Variants in RAB8A observed in about 807,000 individuals in gnomAD.
RAB8A encodes ras-related protein Rab-8A.
Under a neutral mutation model 29.2 loss-of-function variants are expected in RAB8A, and 5 were observed. The ratio of observed to expected loss-of-function variants is 0.17; its 90% CI spans 0.09 to 0.36. The LOEUF (loss-of-function observed/expected upper bound fraction) is 0.36. RAB8A is among the 10% of genes least tolerant of loss of function. The pLI is 1.00. For synonymous variants in RAB8A, 108 were observed against 99.9 expected, an observed-to-expected ratio of 1.08 and a Z score of -0.49; for missense variants, 171 against 272.2, an observed-to-expected ratio of 0.63 and a Z score of 2.62.
At chr19:16,130,070 C>T (rs1227724749) in intron 7 of RAB8A, among the ~76,000 whole-genome samples, 2 of 152,138 alleles carry the variant, frequency 1.3e-5, no homozygotes, top group African/African-American at 4.8e-5. Context: ...GCTCTGCAAC[C>T]TTCATTGTGT....
At chr19:16,114,859 AG>A (rs1030643287) in intron 1 of RAB8A, among the ~76,000 whole-genome samples, 4 of 126,430 alleles carry the variant, frequency 3.2e-5, no homozygotes, top group Admixed American at 1.0e-4. Flanking sequence ...TCTGTCTTCT[AG>A]GAAAGTCTAA....
At position 16,125,335 on chromosome 19, in the gene RAB8A, T is replaced by C. The variant is rs1306445759; in HGVS notation, c.247-135T>C. Reference sequence around the variant, plus strand: ...GCTGGCTTCCGGGGCTCCACAGAGGTGGGGAGGGCGGCAGCTAATGGGCCT... The same window carrying C: ...GCTGGCTTCCGGGGCTCCACAGAGGCGGGGAGGGCGGCAGCTAATGGGCCT... On this transcript the variant is annotated intron_variant, in intron 3 of 7. Transcript: ENST00000300935. This position sits in a 1 kb window ranked among gnomAD's most constrained non-coding sequence, Gnocchi z 5.0. 2.5e-5 allele frequency: 18 copies of C among 720,690 alleles called. No homozygotes were observed. Among genetic ancestry groups the C allele is most frequent in the Non-Finnish European group, 4.0e-5 (17 of 421,118 alleles). The allele number at this position is 720,690 out of a possible 1,614,324, so 44.6% of individuals were successfully genotyped here.
rs1209935522 is a variant in RAB8A at position 16,129,536 on chromosome 19, A to T, written c.481-18A>T. The T allele has an allele frequency of 1.2e-5, 19 of 1,613,694 alleles. No homozygotes were observed. In the Admixed American group the frequency reaches 3.2e-4, roughly 27 times the overall value. ...GGGTCCTGCCATCCCAAGGACTCAC[A>T]ATGTGCTTATTCCACAGGCATTTTT... On this transcript the variant is annotated intron_variant, in intron 6 of 7. Coordinates refer to ENST00000300935, the MANE Select transcript of RAB8A (RefSeq NM_005370.5).
chr19:16,117,475 C>T (rs966726073), intron 1 of RAB8A, among the ~76,000 whole-genome samples: 2 of 147,584 alleles, frequency 1.4e-5, no homozygotes, highest in East Asian at 2.0e-4. Context: ...GGCGACAGAG[C>T]GAGACTCCAT....
In RAB8A at chr19:16,128,060, C is replaced by T; in HGVS notation, c.449C>T (p.Thr150Ile). 1 of 1,614,154 alleles carries T rather than the reference C, an allele frequency of 6.2e-7. No individual in the cohort carries two copies. The highest frequency in any genetic ancestry group is 8.5e-7 in the Non-Finnish European group (1 of 1,180,010). Residue 150 changes from threonine (T) to isoleucine (I), a missense_variant, in exon 6 of 8, where the codon ACC becomes ATC. By Grantham distance (89) the Thr-to-Ile change is moderately conservative. Around this residue, in one of 3 missense-constraint regions of RAB8A, gnomAD observed 145 missense variants for 212.8 expected, o/e 0.68. Transcript: ENST00000300935. Reference protein sequence around the residue: ...ALDYGIKFMETSAKANINVEN... With the variant: ...ALDYGIKFMEISAKANINVEN... ...GACTATGGAATCAAGTTCATGGAGA[C>T]CAGCGCGAAGGCCAACATCAATGTG...
chr19:16,112,678 C>T (rs991312620), intron 1 of RAB8A: 1 of 153,166 alleles, frequency 6.5e-6, no homozygotes, highest in Non-Finnish European at 1.5e-5. Flanking sequence ...ACACTCCCAG[C>T]TGATGACAAG....
In RAB8A at chr19:16,125,918, C is replaced by T. The variant is rs954280244; in HGVS notation, c.324+371C>T. The T allele has an allele frequency of 1.6e-5, 6 of 378,346 alleles. No homozygotes were observed. The highest frequency in any genetic ancestry group is 6.5e-5 in the South Asian group (3 of 46,218). 23.4% of individuals were successfully genotyped at this position (378,346 alleles called of 1,614,324 possible). On this transcript the variant is annotated intron_variant, in intron 4 of 7. Transcript: ENST00000300935. This position sits in a 1 kb window ranked among gnomAD's most constrained non-coding sequence, Gnocchi z 5.0. ...GTAGTTGGAGGGTGTGGTGAGCAGG[C>T]GTCAGTTGTACTTTGAGCTATATCG...
Position 16,127,111 on chromosome 19 carries a change from T to TC in RAB8A, c.325-325dup. 1 of 202,188 alleles carries TC rather than the reference T, an allele frequency of 4.9e-6. No homozygotes were observed. Among genetic ancestry groups the TC allele is most frequent in the Non-Finnish European group, 9.9e-6 (1 of 100,906 alleles). 12.5% of individuals were successfully genotyped at this position (202,188 alleles called of 1,614,324 possible). ...AGGTCGGGGGGTAAATATCTCAGCC[T>TC]CACTCACCTCCCATAGGCTAGACCC... On this transcript the variant is annotated intron_variant, in intron 4 of 7. Transcript: ENST00000300935. This position sits in a 1 kb window ranked among gnomAD's most constrained non-coding sequence, Gnocchi z 4.8.
intron 7 of RAB8A, 62 bp downstream of exon 7, chr19:16,129,666 C>T: frequency 6.5e-7 from 1 of 1,534,906 alleles, no homozygotes; most frequent in Non-Finnish European, 9.0e-7. Flanking sequence ...TCGTCGTTAG[C>T]AGCAGTGATA....
At position 16,127,958 on chromosome 19, in the gene RAB8A, C is replaced by T. The variant is rs763396927; in HGVS notation, c.415-68C>T. The stretch of plus-strand genomic sequence containing the variant: ...TTGGCGCCGGCCCTGCCTTCAGCTC[C>T]TGTTTTAGGCAAGCTCAGATGCGCC... On this transcript the variant is annotated intron_variant, in intron 5 of 7. Transcript: ENST00000300935. This position sits in a 1 kb window ranked among gnomAD's most constrained non-coding sequence, Gnocchi z 4.8. 1.3e-6 allele frequency: 2 copies of T among 1,545,004 alleles called. No homozygotes were observed. The highest frequency in any genetic ancestry group is 1.7e-4 in the Middle Eastern group (1 of 5,928).
rs758754074 is a variant in RAB8A at position 16,127,437 on chromosome 19, C to A, written c.325C>A (p.His109Asn). The A allele has an allele frequency of 1.3e-6, 2 of 1,492,422 alleles. No homozygotes were observed. Among genetic ancestry groups the A allele is most frequent in the Admixed American group, 4.9e-5 (2 of 41,040 alleles). 92.4% of individuals were successfully genotyped at this position (1,492,422 alleles called of 1,614,324 possible). The change falls in exon 5 of 8, where the codon CAC (histidine) becomes AAC (asparagine). Residue 109 changes from histidine (H) to asparagine (N), a missense_variant and splice_region_variant. His to Asn is a moderately conservative substitution (Grantham distance 68). This residue lies in a region of RAB8A where 145 missense variants were observed against 212.8 expected (regional missense o/e 0.68). Transcript: ENST00000300935. This position sits in a 1 kb window ranked among gnomAD's most constrained non-coding sequence, Gnocchi z 4.8. ...IRNWIRNIEE[H>N]ASADVEKMIL... ...CCCCGTCTGTCCCCCTCCCTCTCAG[C>A]ACGCCTCTGCAGACGTCGAAAAGAT... is the stretch of plus-strand genomic sequence containing the variant.
At position 16,132,114 on chromosome 19, in the gene RAB8A, ATGGATGGTTAGG is replaced by A. The variant is rs1289197312; in HGVS notation, c.532-78_532-67del. On this transcript the variant is annotated intron_variant, in intron 7 of 7. Coordinates refer to ENST00000300935, the MANE Select transcript of RAB8A (RefSeq NM_005370.5). This position sits in a 1 kb window ranked among gnomAD's most constrained non-coding sequence, Gnocchi z 5.6. ...GTTGGTTGGTTGGTTGGATGGTTGG[ATGGATGGTTAGG>A]TGGATGGTTAGGTGGATGGCTGGTT... 29 of 958,730 alleles carry A rather than the reference ATGGATGGTTAGG, an allele frequency of 3.0e-5. No homozygotes were observed. The highest frequency in any genetic ancestry group is 5.1e-5 in the East Asian group (2 of 39,442). 59.4% of individuals were successfully genotyped at this position (958,730 alleles called of 1,614,324 possible).
chr19:16,128,039 A>T lies in RAB8A; in HGVS notation c.428A>T (p.Tyr143Phe). 6.2e-7 allele frequency: 1 copy of T among 1,614,122 alleles called. No homozygotes were observed. ...CCTCTCTCACAGCTGGCCCTCGACT[A>T]TGGAATCAAGTTCATGGAGACCAGC... ...KERGEKLALD[Y>F]GIKFMETSAK... The change falls in exon 6 of 8, where the codon TAT becomes TTT. Residue 143 changes from tyrosine to phenylalanine, a missense_variant. Tyr to Phe is a conservative substitution (Grantham distance 22). Around this residue, in one of 3 missense-constraint regions of RAB8A, gnomAD observed 145 missense variants for 212.8 expected, o/e 0.68. Coordinates refer to ENST00000300935, the MANE Select transcript of RAB8A (RefSeq NM_005370.5).
chr19:16,131,123 C>T (rs972435190), intron 7 of RAB8A, among the ~76,000 whole-genome samples: 17 of 151,778 alleles, frequency 1.1e-4, no homozygotes, highest in Admixed American at 3.9e-4. Context: ...CCCGCCTGGC[C>T]ATTTTTTCTT....
Position 16,127,676 on chromosome 19 carries a change from C to T in RAB8A, c.414+150C>T. ...CCATGGGATGACAGAAGCACACACCCAGCCGGGGCTTCTTGGGTGCACTCT... is the reference window on the plus strand; with the variant it reads ...CCATGGGATGACAGAAGCACACACCTAGCCGGGGCTTCTTGGGTGCACTCT... On this transcript the variant is annotated intron_variant, in intron 5 of 7. Transcript: ENST00000300935. The surrounding 1 kb of genome is among the most constrained non-coding windows in gnomAD (Gnocchi z 4.8). 1 of 649,268 alleles carries T rather than the reference C, an allele frequency of 1.5e-6. No homozygotes were observed. The highest frequency in any genetic ancestry group is 2.6e-6 in the Non-Finnish European group (1 of 386,002). The allele number at this position is 649,268 out of a possible 1,614,324, so 40.2% of individuals were successfully genotyped here.
At position 16,130,237 on chromosome 19, in the gene RAB8A, C is replaced by G. The variant is rs952047567; in HGVS notation, c.531+633C>G. On this transcript the variant is annotated intron_variant, in intron 7 of 7. Coordinates refer to ENST00000300935, the MANE Select transcript of RAB8A (RefSeq NM_005370.5). Reference sequence around the variant, plus strand: ...CTTTCTTGATGGAATCAAACACTTCCCTGTACTTTGGGGGCATTTAGTGCC... The same window carrying G: ...CTTTCTTGATGGAATCAAACACTTCGCTGTACTTTGGGGGCATTTAGTGCC... Among the ~76,000 whole-genome samples the G allele has an allele frequency of 2.0e-5, 3 of 152,052 alleles. No homozygotes were observed. The East Asian group carries it at 5.8e-4, about 29-fold the overall frequency.
chr19:16,127,085 A>C lies in RAB8A; in HGVS notation c.325-352A>C. 5.7e-6 allele frequency: 1 copy of C among 175,390 alleles called. No individual in the cohort carries two copies. 10.9% of individuals were successfully genotyped at this position (175,390 alleles called of 1,614,324 possible). A position where few individuals can be genotyped will look rare whatever the true frequency, so the allele number is the denominator to read the frequency against. On this transcript the variant is annotated intron_variant, in intron 4 of 7. Transcript: ENST00000300935. The surrounding 1 kb of genome is among the most constrained non-coding windows in gnomAD (Gnocchi z 4.8). ...AGCCAGGGAGGGAAGGAGGAAAGCC[A>C]AGGTCGGGGGGTAAATATCTCAGCC...
Position 16,127,523 on chromosome 19 carries a change from A to G in RAB8A, c.411A>G (p.Glu137=). ...GACAAGTTTCCAAGGAACGGGGAGA[A>G]AAGGTGGGCATGGTGGCACAAGGGG... ...DKRQVSKERG[E]KLALDYGIKF... Residue 137 remains glutamate, a synonymous_variant, in exon 5 of 8, where the codon GAA becomes GAG. Coordinates refer to ENST00000300935, the MANE Select transcript of RAB8A (RefSeq NM_005370.5). This position sits in a 1 kb window ranked among gnomAD's most constrained non-coding sequence, Gnocchi z 4.8. 1 of 1,531,346 alleles carries G rather than the reference A, an allele frequency of 6.5e-7. No individual in the cohort carries two copies. The allele number at this position is 1,531,346 out of a possible 1,614,324, so 94.9% of individuals were successfully genotyped here.
rs371722195 is a variant in RAB8A, at chr19:16,132,312, C to T, written c.*8C>T. ...CGATGTGTTCTTCTGTGAGGAACAC[C>T]GCCTTACTCTGAGCCTCGCTCAGCC... On this transcript the variant is annotated 3_prime_UTR_variant, in exon 8 of 8. Transcript: ENST00000300935. The surrounding 1 kb of genome is among the most constrained non-coding windows in gnomAD (Gnocchi z 5.6). The T allele has an allele frequency of 2.0e-4, 327 of 1,612,924 alleles. No individual in the cohort carries two copies. In the African/African-American group the frequency reaches 3.8e-3, roughly 19 times the overall value.
Sources: gnomAD v4.1 joint callset for allele counts (sites outside exome capture counted in the v4.1 genomes callset) on GRCh38, gnomAD v4.1.1 for gene constraint, gnomAD v4.1.1 regional missense constraint, Gnocchi (gnomAD v3.1) non-coding constraint, MANE v1.5 for transcripts, NCBI Gene and HGNC (gene_info 2026-07-23, HGNC 2026-07-21) for gene names.